Variants in TSHZ3 observed in about 807,000 individuals in gnomAD.
TSHZ3 encodes the protein teashirt homolog 3.
TSHZ3 carries 10 observed loss-of-function variants against 64.5 expected under a neutral mutation model. The observed-to-expected ratio is 0.16, with a 90% CI of 0.10 to 0.26. The LOEUF (loss-of-function observed/expected upper bound fraction) is 0.26, where lower values mean the gene tolerates loss of function less well. Ranked by LOEUF, TSHZ3 falls within the 10% of genes least tolerant of loss-of-function variation. The pLI, the probability that TSHZ3 is intolerant of heterozygous loss-of-function variation, is 1.00. For missense variants in TSHZ3, 1,242 were observed against 1,421.7 expected (o/e 0.87, Z 2.03); for synonymous variants, 608 against 593.1 (o/e 1.03, Z -0.36).
intron 1 of TSHZ3, among the ~76,000 whole-genome samples, chr19:31,256,547 C>T (rs1975913661): frequency 6.6e-6 from 1 of 152,196 alleles, no homozygotes; most frequent in Admixed American, 6.5e-5. Flanking sequence ...CGCTCTGATG[C>T]TGTAACACAC....
upstream of TSHZ3, among the ~76,000 whole-genome samples, chr19:31,350,407 C>G (rs2021683794): frequency 6.6e-6 from 1 of 151,666 alleles, no homozygotes. Context: ...CAGGGTCCCT[C>G]CACCCCGCCC....
Position 31,349,257 on chromosome 19 carries a change from C to T in TSHZ3, c.-38G>A. 6.6e-7 allele frequency: 1 copy of T among 1,525,422 alleles called. No individual in the cohort carries two copies. Among genetic ancestry groups the T allele is most frequent in the Non-Finnish European group, 8.8e-7 (1 of 1,139,820 alleles). 94.5% of individuals were successfully genotyped at this position (1,525,422 alleles called of 1,614,324 possible). On this transcript the variant is annotated 5_prime_UTR_variant, in exon 1 of 2. Transcript: ENST00000240587. ...GCGACTGCCACTGCCGCCGCCGCCG[C>T]CGCTGCCGGGCTGAGGACAGGGAGG...
chr19:31,338,429 A>G (rs937623304), intron 1 of TSHZ3, among the ~76,000 whole-genome samples: 1 of 152,206 alleles, frequency 6.6e-6, no homozygotes, highest in Non-Finnish European at 1.5e-5. Context: ...GGGAGCCGCA[A>G]AAGATTATTT....
chr19:31,191,812 T>C (rs951495759), intron 5 of TSHZ3, among the ~76,000 whole-genome samples: 1 of 152,228 alleles, frequency 6.6e-6, no homozygotes, highest in African/African-American at 2.4e-5. Flanking sequence ...TGAGCCATGA[T>C]CGCACCACTG....
chr19:31,177,847 C>T lies in TSHZ3; in HGVS notation n.810-21430G>A, dbSNP rs146705071. 8.8e-3 allele frequency among the ~76,000 whole-genome samples: 1,347 copies of T among 152,246 alleles called. 11 individuals are homozygous for T. Among genetic ancestry groups the T allele is most frequent in the South Asian group, 0.019 (90 of 4,820 alleles). On this transcript the variant is annotated intron_variant and non_coding_transcript_variant, in intron 5 of 6. Coordinates refer to the TSHZ3 transcript ENST00000651361. The stretch of plus-strand genomic sequence containing the variant: ...ATCATTGCCCCATTTTATAGCACTG[C>T]GCAGAGAGGGGAGGCGGGGACAGAG...
chr19:31,203,055 GA>G (rs993679616), intron 5 of TSHZ3, among the ~76,000 whole-genome samples: 100 of 148,214 alleles, frequency 6.7e-4, no homozygotes, highest in Non-Finnish European at 8.8e-4. Flanking sequence ...AAGTAATATA[GA>G]AAAAAAAAAG....
intron 5 of TSHZ3, among the ~76,000 whole-genome samples, chr19:31,196,593 C>A (rs1239250682): frequency 6.6e-6 from 1 of 151,862 alleles, no homozygotes; most frequent in Admixed American, 6.6e-5. Flanking sequence ...ACTTTAAATA[C>A]AAAGACACAT....
intron 4 of TSHZ3, among the ~76,000 whole-genome samples, chr19:31,221,128 G>A (rs1318285911): frequency 6.6e-6 from 1 of 152,188 alleles, no homozygotes; most frequent in East Asian, 1.9e-4. Flanking sequence ...AGACACAGGG[G>A]ATGCCATGAT....
At chr19:31,193,953 A>G (rs551314647) in intron 5 of TSHZ3, among the ~76,000 whole-genome samples, 4 of 152,338 alleles carry the variant, frequency 2.6e-5, no homozygotes, top group African/African-American at 7.2e-5. Flanking sequence ...AACAACATGT[A>G]AAAAGCTGAA....
chr19:31,259,154 C>A, intron 1 of TSHZ3, among the ~76,000 whole-genome samples: 1 of 152,162 alleles, frequency 6.6e-6, no homozygotes, highest in East Asian at 1.9e-4. Context: ...CTGTCAAGAT[C>A]ATTTTAAAAC....
At position 31,217,977 on chromosome 19, in the gene TSHZ3, C is replaced by T. The variant is rs142924201; in HGVS notation, n.686+10028G>A. On this transcript the variant is annotated intron_variant and non_coding_transcript_variant, in intron 4 of 6. Transcript: ENST00000651361. ...ATAACATAGGAGAAAATCTAGATGG[C>T]CTAGGATTTGGTGAGGACTTTTTAG... 4.8e-4 allele frequency among the ~76,000 whole-genome samples: 73 copies of T among 152,246 alleles called. 1 individual carries two copies. In the East Asian group the frequency reaches 0.013, roughly 28 times the overall value.
chr19:31,303,055 A>G (rs1976779366), intron 1 of TSHZ3, among the ~76,000 whole-genome samples: 1 of 152,230 alleles, frequency 6.6e-6, no homozygotes, highest in Admixed American at 6.5e-5. Flanking sequence ...TGGACCTCTG[A>G]ATGAATCTGA....
intron 4 of TSHZ3, among the ~76,000 whole-genome samples, chr19:31,217,813 C>T (rs1369356986): frequency 6.6e-6 from 1 of 152,244 alleles, no homozygotes; most frequent in African/African-American, 2.4e-5. Flanking sequence ...CTCTGCCTGT[C>T]ATCCCTTCCT....
chr19:31,337,402 A>T (rs1291884707), intron 1 of TSHZ3, among the ~76,000 whole-genome samples: 1 of 152,196 alleles, frequency 6.6e-6, no homozygotes, highest in African/African-American at 2.4e-5. Context: ...AAGTTTTTCT[A>T]ATCAGTAAAA....
At chr19:31,319,828 C>T (rs1041606206) in intron 1 of TSHZ3, among the ~76,000 whole-genome samples, 11 of 152,072 alleles carry the variant, frequency 7.2e-5, no homozygotes, top group African/African-American at 2.7e-4. Context: ...CTACTAGGGG[C>T]AGGAAGGCAG....
At position 31,276,331 on chromosome 19, in the gene TSHZ3, C is replaced by A. The variant is rs1011417434; in HGVS notation, c.*216G>T. On this transcript the variant is annotated 3_prime_UTR_variant, in exon 2 of 2. Transcript: ENST00000240587. ...GTTTACACAAAGTTCCAAACACTTA[C>A]CACTGCATTTTAACCTTCATATTTT... 2.4e-6 allele frequency: 1 copy of A among 424,774 alleles called. No homozygotes were observed. The highest frequency in any genetic ancestry group is 4.1e-6 in the Non-Finnish European group (1 of 243,276). 26.3% of individuals were successfully genotyped at this position (424,774 alleles called of 1,614,324 possible). A position where few individuals can be genotyped will look rare whatever the true frequency, so the allele number is the denominator to read the frequency against.
At chr19:31,296,313 T>TG (rs1194229918) in intron 1 of TSHZ3, among the ~76,000 whole-genome samples, 2 of 147,874 alleles carry the variant, frequency 1.4e-5, no homozygotes, top group African/African-American at 5.0e-5. Context: ...CATGAAGTGC[T>TG]GGAAGTGCTG....
chr19:31,341,630 GACACACACACACAC>G (rs57786287), intron 1 of TSHZ3, among the ~76,000 whole-genome samples: 169 of 138,086 alleles, frequency 1.2e-3, no homozygotes, highest in Middle Eastern at 3.6e-3. Flanking sequence ...CTCTCTCTCT[GACACACACACACAC>G]ACACACACAC....
At chr19:31,230,233 C>T (rs1419662672) in intron 3 of TSHZ3, among the ~76,000 whole-genome samples, 1 of 152,060 alleles carries the variant, frequency 6.6e-6, no homozygotes, top group Non-Finnish European at 1.5e-5. Flanking sequence ...TATGTAGTGA[C>T]TTCAGAAAAG....
Sources: gnomAD v4.1 joint callset for allele counts (sites outside exome capture counted in the v4.1 genomes callset) on GRCh38, gnomAD v4.1.1 for gene constraint, MANE v1.5 for transcripts, NCBI Gene and HGNC (gene_info 2026-07-23, HGNC 2026-07-21) for gene names.